NCOR1: variants seen among roughly 807,000 people sequenced by gnomAD.
NCOR1 encodes the protein nuclear receptor corepressor 1, also known as protein phosphatase 1, regulatory subunit 109.
NCOR1 carries 63 observed loss-of-function variants against 288.1 expected under a neutral mutation model. That is an observed-to-expected ratio of 0.22 (90% CI 0.18 to 0.27). NCOR1 has a LOEUF of 0.27. Among genes scored for constraint, NCOR1 ranks in the 10% least tolerant of loss-of-function variants. The pLI is 1.00. For missense variants in NCOR1, 2,397 were observed against 3,019.2 expected, an observed-to-expected ratio of 0.79 and a Z score of 4.83; for synonymous variants, 1,007 against 1,065.9, an observed-to-expected ratio of 0.94 and a Z score of 1.08.
chr17:16,165,062 CCTTT>C lies in NCOR1; in HGVS notation c.531_534del (p.Glu179SerfsTer2). Reference sequence around the variant, plus strand: ...CGATCCATACTCTGTATTAACTCTTCCTTTGAGAGTTTTGAAGGTGAAGCATTTT... The same window carrying C: ...CGATCCATACTCTGTATTAACTCTTCGAGAGTTTTGAAGGTGAAGCATTTT... On this transcript the variant is annotated frameshift_variant, in exon 5 of 46. Transcript: ENST00000268712. LOFTEE classifies it high-confidence loss of function. 6.2e-7 allele frequency: 1 copy of C among 1,611,758 alleles called. No individual in the cohort carries two copies. The highest frequency in any genetic ancestry group is 2.2e-5 in the East Asian group (1 of 44,846).
At chr17:16,082,646 G>A (rs2063572366) in intron 23 of NCOR1, among the ~76,000 whole-genome samples, 1 of 151,908 alleles carries the variant, frequency 6.6e-6, no homozygotes, top group African/African-American at 2.4e-5. Flanking sequence ...CTGAGCCCAG[G>A]AGACTGATGC....
chr17:16,118,088 AAAT>A (rs1238651381), intron 17 of NCOR1, 61 bp from the exon 18 acceptor site: 5 of 1,525,444 alleles, frequency 3.3e-6, no homozygotes, highest in Non-Finnish European at 4.5e-6. Context: ...CAAACAAGAG[AAAT>A]AATAAATTAA....
chr17:16,087,130 G>A (rs2064366403), intron 22 of NCOR1: 1 of 1,281,450 alleles, frequency 7.8e-7, no homozygotes, highest in South Asian at 1.3e-5. Flanking sequence ...AACATCTGTG[G>A]GTGGATGGCC....
At chr17:16,080,907 T>C (rs1598325716) in intron 23 of NCOR1, among the ~76,000 whole-genome samples, 180 bp from the exon 24 acceptor site, 1 of 151,834 alleles carries the variant, frequency 6.6e-6, no homozygotes, top group Non-Finnish European at 1.5e-5. Flanking sequence ...ATTGCTTAAA[T>C]ATAAAAAAAA....
rs562394077 is a variant in NCOR1, at chr17:16,091,807, G to A, written c.3016+56C>T. 238 of 1,610,450 alleles carry A rather than the reference G, an allele frequency of 1.5e-4. 2 individuals are homozygous for A. The South Asian group carries it at 2.3e-3, about 16-fold the overall frequency. On this transcript the variant is annotated intron_variant, in intron 22 of 45. Transcript: ENST00000268712. ...AAAGCACAATGGACACTGCTTTTGG[G>A]TTTAGCTTTATTTCCCTTCATAAAA...
intron 21 of NCOR1, among the ~76,000 whole-genome samples, chr17:16,095,799 C>T (rs1432508681): frequency 6.6e-6 from 1 of 151,616 alleles, no homozygotes; most frequent in Non-Finnish European, 1.5e-5. Flanking sequence ...GCCCCTCTGC[C>T]CGGCCACCAC....
chr17:16,046,322 T>G (rs2058647373), intron 42 of NCOR1, among the ~76,000 whole-genome samples: 1 of 152,228 alleles, frequency 6.6e-6, no homozygotes, highest in South Asian at 2.1e-4. Flanking sequence ...TCATACTAAG[T>G]ACTTAACAGT....
At chr17:16,149,369 A>G (rs754173077) in intron 9 of NCOR1, 82 bp downstream of exon 9, 1 of 656,186 alleles carries the variant, frequency 1.5e-6, no homozygotes, top group Non-Finnish European at 2.5e-6. Flanking sequence ...GACCACTCTC[A>G]TTAACAGTAG....
At chr17:16,073,730 T>G (rs1029573585) in intron 27 of NCOR1, among the ~76,000 whole-genome samples, 161 bp from the exon 28 acceptor site, 1 of 151,796 alleles carries the variant, frequency 6.6e-6, no homozygotes, top group East Asian at 1.9e-4. Context: ...ATATTTTCAC[T>G]CATTCAAATG....
intron 15 of NCOR1, 118 bp from the exon 16 acceptor site, chr17:16,121,387 CA>C (rs11410605): frequency 0.025 from 13,492 of 533,320 alleles, 23 homozygotes; most frequent in East Asian, 0.074. Context: ...ATCTCTCACT[CA>C]AAAAAAAAAA....
Position 16,080,440 on chromosome 17 carries a change from A to G in NCOR1, c.3368T>C (p.Leu1123Ser), listed in dbSNP as rs1567885905. 6.2e-7 allele frequency: 1 copy of G among 1,614,188 alleles called. No homozygotes were observed. Among genetic ancestry groups the G allele is most frequent in the African/African-American group, 1.3e-5 (1 of 75,066 alleles). ...TACACCTTCATGTTGGGCCCTGACC[A>G]ACAGACCCTCAGGTTGTGAGTTTTG... Reference protein sequence around the residue: ...RSQNSQPEGLLVRAQHEGVVR... With the variant: ...RSQNSQPEGLSVRAQHEGVVR... Residue 1123 changes from leucine to serine, a missense_variant, in exon 25 of 46, where the codon TTG becomes TCG. By Grantham distance (145) the Leu-to-Ser change is moderately radical (BLOSUM62 -2). This residue lies in a region of NCOR1 where 1,872 missense variants were observed against 2,187.8 expected (regional missense o/e 0.86). Transcript: ENST00000268712.
chr17:16,199,970 T>C (rs1350051172), intron 1 of NCOR1, among the ~76,000 whole-genome samples: 6 of 152,172 alleles, frequency 3.9e-5, no homozygotes, highest in South Asian at 4.1e-4. Context: ...CAAAATGAAA[T>C]TGATCTATTT....
At position 16,070,240 on chromosome 17, in the gene NCOR1, T is replaced by C. The variant is rs200934659; in HGVS notation, c.4438A>G (p.Ser1480Gly). Reference protein sequence around the residue: ...QLSPGIYDDTSARRTPVSYQN... With the variant: ...QLSPGIYDDTGARRTPVSYQN... Reference sequence around the variant, plus strand: ...TAACTCACAGGGGTCCTCCGTGCACTGGTGTCATCATAAATCCCAGGGCTC... The same window carrying C: ...TAACTCACAGGGGTCCTCCGTGCACCGGTGTCATCATAAATCCCAGGGCTC... Residue 1480 changes from serine to glycine, a missense_variant, in exon 31 of 46, where the codon AGT becomes GGT. Around this residue, in one of 11 missense-constraint regions of NCOR1, gnomAD observed 1,872 missense variants for 2,187.8 expected, o/e 0.86. Transcript: ENST00000268712. 1.8e-4 allele frequency: 293 copies of C among 1,613,984 alleles called. No individual in the cohort carries two copies. Among genetic ancestry groups the C allele is most frequent in the Admixed American group, 8.3e-5 (5 of 59,990 alleles).
chr17:16,178,370 G>A (rs2084665213), intron 3 of NCOR1, among the ~76,000 whole-genome samples: 1 of 151,180 alleles, frequency 6.6e-6, no homozygotes, highest in African/African-American at 2.4e-5. Flanking sequence ...ATGGTGGCAT[G>A]AGCCTGTAGT....
At chr17:16,149,088 T>C (rs934834439) in intron 9 of NCOR1, among the ~76,000 whole-genome samples, 1 of 152,006 alleles carries the variant, frequency 6.6e-6, no homozygotes, top group Non-Finnish European at 1.5e-5. Flanking sequence ...AAAGAAAGAA[T>C]AGTAATGTCT....
chr17:16,195,582 A>G (rs2153562303), intron 1 of NCOR1, among the ~76,000 whole-genome samples: 1 of 152,332 alleles, frequency 6.6e-6, no homozygotes, highest in Admixed American at 6.5e-5. Flanking sequence ...TCTTGTGCCA[A>G]TGCCACACTT....
intron 18 of NCOR1, among the ~76,000 whole-genome samples, chr17:16,110,035 A>G (rs2069686678): frequency 6.6e-6 from 1 of 152,150 alleles, no homozygotes; most frequent in Non-Finnish European, 1.5e-5. Flanking sequence ...CCCAGCCAAT[A>G]CCACTCAATT....
intron 40 of NCOR1, among the ~76,000 whole-genome samples, chr17:16,053,850 C>T (rs1407728718): frequency 2.0e-5 from 3 of 151,972 alleles, no homozygotes; most frequent in African/African-American, 7.2e-5. Flanking sequence ...ATAAGACACA[C>T]AGACCAATGG....
At chr17:16,164,578 G>A (rs1449597362) in intron 5 of NCOR1, among the ~76,000 whole-genome samples, 1 of 152,108 alleles carries the variant, frequency 6.6e-6, no homozygotes, top group African/African-American at 2.4e-5. Context: ...TAAGCTGCCA[G>A]TAGGAATGTA....
Sources: allele counts gnomAD v4.1 joint callset (sites outside exome capture counted in the v4.1 genomes callset), GRCh38; gene constraint gnomAD v4.1.1; regional missense constraint gnomAD v4.1.1; transcripts MANE v1.5; gene names NCBI Gene and HGNC (gene_info 2026-07-23, HGNC 2026-07-21).